The following ANKFN1 variants were observed in gnomAD, a reference collection of about 807,000 sequenced individuals.
ANKFN1 encodes ankyrin repeat and fibronectin type-III domain-containing protein 1.
In ANKFN1, 74 loss-of-function variants were observed where a neutral mutation model predicts 108.7. The ratio of observed to expected loss-of-function variants is 0.68; its 90% CI spans 0.56 to 0.83. ANKFN1 has a LOEUF of 0.83. Ranked by LOEUF, ANKFN1 falls within the 40% of genes least tolerant of loss-of-function variation. The pLI is 0.00. For synonymous variants in ANKFN1, 547 were observed against 516.2 expected, an observed-to-expected ratio of 1.06 and a Z score of -0.81; for missense variants, 1,505 against 1,382.3, an observed-to-expected ratio of 1.09 and a Z score of -1.41.
intron 14 of ANKFN1, among the ~76,000 whole-genome samples, chr17:56,465,373 G>A (rs1417127093): frequency 6.6e-6 from 1 of 152,204 alleles, no homozygotes; most frequent in East Asian, 1.9e-4. Flanking sequence ...CCCTACCTGT[G>A]AGGGAAAATT....
intron 8 of ANKFN1, among the ~76,000 whole-genome samples, chr17:56,382,168 C>T (rs930090278): frequency 6.6e-6 from 1 of 152,080 alleles, no homozygotes; most frequent in African/African-American, 2.4e-5. Context: ...AGAATGGGGG[C>T]CAATATTCAA....
chr17:56,159,616 C>G (rs954611289), intron 1 of ANKFN1, among the ~76,000 whole-genome samples: 1 of 152,220 alleles, frequency 6.6e-6, no homozygotes, highest in Non-Finnish European at 1.5e-5. Context: ...TAGTACCTGA[C>G]AGTGTCCATT....
intron 4 of ANKFN1, among the ~76,000 whole-genome samples, chr17:56,334,045 A>G (rs1033656123): frequency 2.6e-5 from 4 of 152,100 alleles, no homozygotes; most frequent in African/African-American, 7.2e-5. Context: ...ATTATTAAAT[A>G]TTAAGTATTA....
rs371126724 is a variant in ANKFN1, at chr17:56,382,401, C to A, written c.910+7687C>A. On this transcript the variant is annotated intron_variant, in intron 8 of 20. Transcript: ENST00000682825. ...TGCCAAATTGTAAAGACCATCGAGGCTAGGAAGAAACTGCATCAACTAACG... is the reference window on the plus strand; with the variant it reads ...TGCCAAATTGTAAAGACCATCGAGGATAGGAAGAAACTGCATCAACTAACG... 5.7e-4 allele frequency among the ~76,000 whole-genome samples: 87 copies of A among 152,274 alleles called. 3 individuals carry two copies. The East Asian group carries it at 0.016, about 28-fold the overall frequency.
chr17:56,182,055 T>C (rs1315709256), intron 1 of ANKFN1, among the ~76,000 whole-genome samples: 1 of 152,196 alleles, frequency 6.6e-6, no homozygotes, highest in Admixed American at 6.5e-5. Flanking sequence ...AATCAACAAA[T>C]GCATGTACTC....
In ANKFN1 at chr17:56,141,587, G is replaced by A. The variant is rs147079453; in HGVS notation, c.289-86330G>A. ...AGGGCAACAAGAATGCATGGGATGT[G>A]GCCTTCTGAATCACCCATATAGTGT... On this transcript the variant is annotated intron_variant, in intron 4 of 12. Coordinates refer to the ANKFN1 transcript ENST00000635860. 5.7e-4 allele frequency among the ~76,000 whole-genome samples: 87 copies of A among 152,250 alleles called. 1 individual carries two copies. Among genetic ancestry groups the A allele is most frequent in the African/African-American group, 1.8e-3 (75 of 41,546 alleles).
chr17:56,354,905 T>C (rs771597627), intron 6 of ANKFN1, among the ~76,000 whole-genome samples: 1 of 152,228 alleles, frequency 6.6e-6, no homozygotes, highest in Non-Finnish European at 1.5e-5. Context: ...GGGAAGCATA[T>C]ATTTCTTCAA....
intron 3 of ANKFN1, among the ~76,000 whole-genome samples, chr17:56,251,119 A>C (rs946379029): frequency 3.3e-5 from 5 of 152,220 alleles, no homozygotes; most frequent in African/African-American, 1.2e-4. Flanking sequence ...GGCTGACCAC[A>C]GTGGCTCATG....
chr17:56,425,009 A>G (rs886737332), intron 8 of ANKFN1, among the ~76,000 whole-genome samples: 1 of 152,164 alleles, frequency 6.6e-6, no homozygotes, highest in Non-Finnish European at 1.5e-5. Flanking sequence ...TTGCAATTGA[A>G]CTTTGAGTAA....
chr17:56,092,335 C>G (rs1276515180), intron 4 of ANKFN1, among the ~76,000 whole-genome samples: 2 of 136,882 alleles, frequency 1.5e-5, no homozygotes, highest in African/African-American at 5.7e-5. Context: ...AGTGCAGTGG[C>G]GCAATCTCGG....
At position 56,135,439 on chromosome 17, in the gene ANKFN1, T is replaced by C. The variant is rs151153000; in HGVS notation, c.288+89114T>C. Among the ~76,000 whole-genome samples the C allele has an allele frequency of 9.8e-5, 15 of 152,300 alleles. No individual in the cohort carries two copies. The East Asian group carries it at 2.9e-3, about 29-fold the overall frequency. ...AGGAATTTGGATTAGAACCCAGGTC[T>C]CTAGATTCCTTACCTGGTGTTCTTT... On this transcript the variant is annotated intron_variant, in intron 4 of 12. Coordinates refer to the ANKFN1 transcript ENST00000635860.
At chr17:56,225,398 T>A (rs1916193403) in intron 2 of ANKFN1, among the ~76,000 whole-genome samples, 1 of 152,208 alleles carries the variant, frequency 6.6e-6, no homozygotes, top group African/African-American at 2.4e-5. Context: ...TTCCCCAAAT[T>A]AGACTTCCTG....
chr17:56,202,957 TATTTTGGGGTCAGGG>T (rs1307789993), intron 1 of ANKFN1, among the ~76,000 whole-genome samples: 2 of 152,218 alleles, frequency 1.3e-5, no homozygotes, highest in African/African-American at 4.8e-5. Flanking sequence ...TAACCCTTAT[TATTTTGGGGTCAGGG>T]AATTTTGAGT....
chr17:56,263,022 G>A (rs1195147382), intron 3 of ANKFN1, among the ~76,000 whole-genome samples: 3 of 152,168 alleles, frequency 2.0e-5, no homozygotes, highest in African/African-American at 4.8e-5. Context: ...AAACGTTAGC[G>A]GAAAGGTTGA....
chr17:56,215,389 T>C (rs1179155305), intron 2 of ANKFN1, among the ~76,000 whole-genome samples: 1 of 152,102 alleles, frequency 6.6e-6, no homozygotes, highest in African/African-American at 2.4e-5. Flanking sequence ...GGTTATTGTG[T>C]GAGAAAGCCC....
chr17:56,374,891 T>C (rs2046904385), intron 8 of ANKFN1, among the ~76,000 whole-genome samples, 177 bp downstream of exon 8: 1 of 152,228 alleles, frequency 6.6e-6, no homozygotes, highest in Non-Finnish European at 1.5e-5. Flanking sequence ...ATCAAGTGAC[T>C]GAGAATGTCA....
intron 1 of ANKFN1, among the ~76,000 whole-genome samples, chr17:56,171,287 G>A (rs1468421722): frequency 6.6e-6 from 1 of 152,126 alleles, no homozygotes; most frequent in Non-Finnish European, 1.5e-5. Context: ...ACCGGAGCCA[G>A]TGGTTTTGAT....
At chr17:56,151,884 A>C (rs1908643939), upstream of ANKFN1, among the ~76,000 whole-genome samples, 1 of 152,196 alleles carries the variant, frequency 6.6e-6, no homozygotes, top group African/African-American at 2.4e-5. Context: ...AGCTTAATGC[A>C]GCTGACACTC....
intron 1 of ANKFN1, among the ~76,000 whole-genome samples, chr17:56,170,801 T>TACACACACAC (rs1224594065): frequency 1.6e-5 from 1 of 64,202 alleles, no homozygotes; most frequent in African/African-American, 5.0e-5. Flanking sequence ...TATATATATA[T>TACACACACAC]ATATATACAC....
Sources: allele counts gnomAD v4.1 joint callset (sites outside exome capture counted in the v4.1 genomes callset), GRCh38; gene constraint gnomAD v4.1.1; transcripts MANE v1.5; gene names NCBI Gene and HGNC (gene_info 2026-07-23, HGNC 2026-07-21).